Variants in PTPRD observed in about 807,000 individuals in gnomAD.
PTPRD encodes the protein receptor-type tyrosine-protein phosphatase delta.
A neutral mutation model predicts 214.5 loss-of-function variants in PTPRD; 34 were observed. The ratio of observed to expected loss-of-function variants is 0.16; its 90% CI spans 0.12 to 0.21. The LOEUF (loss-of-function observed/expected upper bound fraction) is 0.21, where lower values mean the gene tolerates loss of function less well. PTPRD is among the 10% of genes least tolerant of loss of function. The pLI is 1.00. For synonymous variants in PTPRD, 1,128 were observed against 845.7 expected, an observed-to-expected ratio of 1.33 and a Z score of -5.79; for missense variants, 2,545 against 2,398.7, an observed-to-expected ratio of 1.06 and a Z score of -1.27.
chr9:10,606,994 C>T (rs369177913), intron 2 of PTPRD, among the ~76,000 whole-genome samples: 1 of 151,810 alleles, frequency 6.6e-6, no homozygotes, highest in African/African-American at 2.4e-5. Context: ...TAATTGTTCC[C>T]TTACAGAGTA....
intron 10 of PTPRD, among the ~76,000 whole-genome samples, chr9:9,068,091 C>G (rs1466820600): frequency 6.6e-6 from 1 of 151,870 alleles, no homozygotes; most frequent in Non-Finnish European, 1.5e-5. Context: ...AATATTTAAC[C>G]TTTTTTAGAT....
intron 24 of PTPRD, among the ~76,000 whole-genome samples, chr9:8,500,361 A>AGACAAAAAGGC (rs1368334435): frequency 6.6e-6 from 1 of 151,798 alleles, no homozygotes; most frequent in Non-Finnish European, 1.5e-5. Context: ...GAAATATGTA[A>AGACAAAAAGGC]GACAAAAAGG....
intron 4 of PTPRD, among the ~76,000 whole-genome samples, chr9:9,965,203 A>T (rs1175383837): frequency 2.0e-5 from 3 of 152,152 alleles, no homozygotes; most frequent in Non-Finnish European, 4.4e-5. Flanking sequence ...AGAACCATAG[A>T]ATCATGAAAA....
At chr9:10,229,922 C>A (rs2099602965) in intron 3 of PTPRD, among the ~76,000 whole-genome samples, 1 of 151,942 alleles carries the variant, frequency 6.6e-6, no homozygotes, top group South Asian at 2.1e-4. Flanking sequence ...TTCCACTTCA[C>A]AAGCTTATAT....
intron 4 of PTPRD, among the ~76,000 whole-genome samples, chr9:9,973,629 A>G (rs2095238443): frequency 6.6e-6 from 1 of 152,178 alleles, no homozygotes; most frequent in Admixed American, 6.5e-5. Context: ...TTATATCTGT[A>G]AAGACCAAGT....
At chr9:9,091,864 G>C (rs1185856298) in intron 10 of PTPRD, among the ~76,000 whole-genome samples, 1 of 152,096 alleles carries the variant, frequency 6.6e-6, no homozygotes, top group South Asian at 2.1e-4. Flanking sequence ...AAACTCAATT[G>C]GGTTTTGTGT....
At chr9:10,230,319 A>T (rs749400657) in intron 3 of PTPRD, among the ~76,000 whole-genome samples, 2 of 152,004 alleles carry the variant, frequency 1.3e-5, no homozygotes, top group Non-Finnish European at 2.9e-5. Flanking sequence ...TTGTTGTGGA[A>T]GCTGTAACAA....
chr9:9,912,682 T>C (rs375732429), intron 5 of PTPRD, among the ~76,000 whole-genome samples: 75 of 152,342 alleles, frequency 4.9e-4, no homozygotes, highest in African/African-American at 1.7e-3. Context: ...GTAGGTATTA[T>C]AATCCATAAT....
rs55651018 is a variant in PTPRD at position 8,589,615 on chromosome 9, T to A, written c.352+43702A>T. On this transcript the variant is annotated intron_variant, in intron 14 of 45. Transcript: ENST00000381196. Reference sequence around the variant, plus strand: ...TGACTTAAAAACTAGAACATGGAGTTCAGAACACAATCCAATTTCTGTAGA... The same window carrying A: ...TGACTTAAAAACTAGAACATGGAGTACAGAACACAATCCAATTTCTGTAGA... Among the ~76,000 whole-genome samples the A allele has an allele frequency of 2.6e-3, 389 of 152,306 alleles. 1 individual carries two copies. The highest frequency in any genetic ancestry group is 6.8e-3 in the Middle Eastern group (2 of 294).
chr9:8,774,042 G>A (rs113822274), intron 11 of PTPRD, among the ~76,000 whole-genome samples: 1 of 152,160 alleles, frequency 6.6e-6, no homozygotes, highest in Non-Finnish European at 1.5e-5. Flanking sequence ...CCAATCTCCT[G>A]TTACAGTGCC....
chr9:8,494,807 G>A (rs767255864), intron 26 of PTPRD, among the ~76,000 whole-genome samples: 3 of 152,088 alleles, frequency 2.0e-5, no homozygotes, highest in Non-Finnish European at 2.9e-5. Context: ...CAACTGCCAC[G>A]GTCATATCCT....
chr9:9,105,317 G>A (rs2099796982), intron 10 of PTPRD, among the ~76,000 whole-genome samples: 1 of 149,804 alleles, frequency 6.7e-6, no homozygotes, highest in South Asian at 2.1e-4. Context: ...GCTTTTCAAT[G>A]ATTATGCATT....
intron 9 of PTPRD, among the ~76,000 whole-genome samples, chr9:9,366,645 T>C (rs2057962766): frequency 1.3e-5 from 2 of 151,464 alleles, no homozygotes; most frequent in Non-Finnish European, 3.0e-5. Context: ...AAACATATCA[T>C]CCATCATCAT....
chr9:9,038,188 C>A (rs781247389), intron 10 of PTPRD, among the ~76,000 whole-genome samples: 5 of 151,306 alleles, frequency 3.3e-5, no homozygotes, highest in Admixed American at 6.6e-5. Context: ...AATAAGAAAT[C>A]AAAAAAAAGA....
At chr9:8,712,756 T>C (rs781218794) in intron 12 of PTPRD, among the ~76,000 whole-genome samples, 19 of 152,142 alleles carry the variant, frequency 1.2e-4, no homozygotes, top group Non-Finnish European at 2.8e-4. Context: ...TCCCTCCTTG[T>C]TGCCCAGGCT....
intron 14 of PTPRD, among the ~76,000 whole-genome samples, chr9:8,619,405 T>C (rs949744312): frequency 2.0e-5 from 3 of 151,686 alleles, no homozygotes; most frequent in Admixed American, 1.3e-4. Context: ...ACTACTGATA[T>C]CAATTTTTTT....
In PTPRD at chr9:9,858,698, G is replaced by GA. The variant is rs200765439; in HGVS notation, c.-368+79808dup. Among the ~76,000 whole-genome samples the GA allele has an allele frequency of 7.3e-3, 1,115 of 152,158 alleles. 11 individuals are homozygous for GA. The highest frequency in any genetic ancestry group is 0.025 in the African/African-American group (1,053 of 41,488). On this transcript the variant is annotated intron_variant, in intron 5 of 45. Transcript: ENST00000381196. ...TATATAAAATTAAGAATGATATAAT[G>GA]AAAAATGTATTCTAAAAATCTAGTT...
At chr9:10,360,264 C>A (rs2097353167) in intron 2 of PTPRD, among the ~76,000 whole-genome samples, 1 of 152,144 alleles carries the variant, frequency 6.6e-6, no homozygotes, top group South Asian at 2.1e-4. Context: ...AGTTTCTTTG[C>A]CTATGCAACA....
chr9:9,134,097 G>A lies in PTPRD; in HGVS notation c.-143+49207C>T, dbSNP rs545371853. Reference sequence around the variant, plus strand: ...TTTTTTTTTTTTGAGACGGAGTCTCGCTCTGTCGCCCAGGCTGGACTGCGG... The same window carrying A: ...TTTTTTTTTTTTGAGACGGAGTCTCACTCTGTCGCCCAGGCTGGACTGCGG... On this transcript the variant is annotated intron_variant, in intron 10 of 45. Transcript: ENST00000381196. Among the ~76,000 whole-genome samples, 9 of 103,436 alleles carry A rather than the reference G, an allele frequency of 8.7e-5. No homozygotes were observed. The South Asian group carries it at 2.2e-3, about 25-fold the overall frequency. The allele number at this position is 103,436 out of a possible 152,430, so 67.9% of individuals were successfully genotyped here.
Sources: allele counts gnomAD v4.1 joint callset (sites outside exome capture counted in the v4.1 genomes callset), GRCh38; gene constraint gnomAD v4.1.1; transcripts MANE v1.5; gene names NCBI Gene and HGNC (gene_info 2026-07-23, HGNC 2026-07-21).